AAK1: variants seen among roughly 807,000 people sequenced by gnomAD.
The protein encoded by AAK1 is AP2 associated kinase 1.
In AAK1, 37 loss-of-function variants were observed where a neutral mutation model predicts 116.0. The ratio of observed to expected loss-of-function variants is 0.32; its 90% CI spans 0.25 to 0.42. The LOEUF (loss-of-function observed/expected upper bound fraction) is 0.42, where lower values mean the gene tolerates loss of function less well. Among genes scored for constraint, AAK1 ranks in the 10% least tolerant of loss-of-function variants. The pLI, the probability that AAK1 is intolerant of heterozygous loss-of-function variation, is 1.00. For synonymous variants in AAK1, 458 were observed against 439.9 expected (o/e 1.04, Z -0.51); for missense variants, 919 against 1,170.6 (o/e 0.79, Z 3.14).
At chr2:69,628,199 A>G (rs1054998392) in intron 2 of AAK1, among the ~76,000 whole-genome samples, 7 of 152,094 alleles carry the variant, frequency 4.6e-5, no homozygotes, top group African/African-American at 1.7e-4. Context: ...TAATCCTGGC[A>G]CTTTGGGAGG....
chr2:69,580,529 G>A (rs1672499342), intron 2 of AAK1, among the ~76,000 whole-genome samples: 1 of 152,104 alleles, frequency 6.6e-6, no homozygotes, highest in African/African-American at 2.4e-5. Flanking sequence ...CAAAGCAGAA[G>A]CAGAAAAAAA....
rs1372375580 is a variant in AAK1, at chr2:69,459,905, A to G, written c.*15964T>C. 6.6e-6 allele frequency: 1 copy of G among 152,176 alleles called. No individual in the cohort carries two copies. Among genetic ancestry groups the G allele is most frequent in the Non-Finnish European group, 1.5e-5 (1 of 68,028 alleles). 9.4% of individuals were successfully genotyped at this position (152,176 alleles called of 1,614,324 possible). On this transcript the variant is annotated 3_prime_UTR_variant, in exon 22 of 22. Coordinates refer to ENST00000409085, the MANE Select transcript of AAK1 (RefSeq NM_014911.5). ...GGTGGTTAAAAAACAAAACAAAACT[A>G]CAAGTATCAGCTGAGAAAGACAAAG... is the stretch of plus-strand genomic sequence containing the variant.
intron 8 of AAK1, among the ~76,000 whole-genome samples, chr2:69,528,770 T>C (rs78451269): frequency 0.026 from 4,027 of 152,296 alleles, 121 homozygotes; most frequent in African/African-American, 0.07. Flanking sequence ...GTCCATGGTA[T>C]AGACATTCAT....
intron 4 of AAK1, among the ~76,000 whole-genome samples, chr2:69,543,975 G>C (rs1262358007): frequency 6.6e-6 from 1 of 152,210 alleles, no homozygotes; most frequent in East Asian, 1.9e-4. Context: ...TATAGCCTTA[G>C]AGTAGGGACA....
chr2:69,467,769 C>T lies in AAK1; in HGVS notation c.*8100G>A. 3 of 985,366 alleles carry T rather than the reference C, an allele frequency of 3.0e-6. No homozygotes were observed. Among genetic ancestry groups the T allele is most frequent in the Non-Finnish European group, 3.6e-6 (3 of 829,922 alleles). The allele number at this position is 985,366 out of a possible 1,614,324, so 61.0% of individuals were successfully genotyped here. A position where few individuals can be genotyped will look rare whatever the true frequency, so the allele number is the denominator to read the frequency against. On this transcript the variant is annotated 3_prime_UTR_variant, in exon 22 of 22. Transcript: ENST00000409085. ...CTAAAGTTTCTGCATGAATTAAGCA[C>T]ACAGACCACAGCAGAAGAGGCATTA...
At chr2:69,506,876 G>A (rs1227166136) in intron 15 of AAK1, among the ~76,000 whole-genome samples, 1 of 151,732 alleles carries the variant, frequency 6.6e-6, no homozygotes, top group Non-Finnish European at 1.5e-5. Flanking sequence ...GCCTGTGTGT[G>A]TGTGTGTGTG....
intron 2 of AAK1, among the ~76,000 whole-genome samples, chr2:69,600,184 A>T (rs1673506852): frequency 6.6e-6 from 1 of 152,104 alleles, no homozygotes; most frequent in Admixed American, 6.5e-5. Flanking sequence ...GACTTTGAAG[A>T]CAAAAAAGAA....
At chr2:69,539,333 C>T (rs181380859) in intron 5 of AAK1, among the ~76,000 whole-genome samples, 14 of 152,288 alleles carry the variant, frequency 9.2e-5, no homozygotes, top group Admixed American at 7.8e-4. Flanking sequence ...CTTGTAATTC[C>T]GTCAGTATGA....
At chr2:69,484,875 A>C (rs1260614449) in intron 17 of AAK1, among the ~76,000 whole-genome samples, 4 of 151,764 alleles carry the variant, frequency 2.6e-5, no homozygotes, top group African/African-American at 9.7e-5. Flanking sequence ...TCTCAAAAAA[A>C]AAAATAATAA....
chr2:69,623,848 C>T (rs1674776658), intron 2 of AAK1, among the ~76,000 whole-genome samples: 1 of 151,698 alleles, frequency 6.6e-6, no homozygotes, highest in Non-Finnish European at 1.5e-5. Flanking sequence ...AAAAAGCCCA[C>T]TATTAAGGTA....
chr2:69,476,307 T>C (rs554197000), intron 21 of AAK1, among the ~76,000 whole-genome samples: 2 of 152,276 alleles, frequency 1.3e-5, no homozygotes, highest in South Asian at 4.1e-4. Flanking sequence ...TATCAAGCCA[T>C]CTCCCTTTGA....
chr2:69,606,835 G>A (rs1673817751), intron 2 of AAK1, among the ~76,000 whole-genome samples: 1 of 152,184 alleles, frequency 6.6e-6, no homozygotes, highest in Admixed American at 6.5e-5. Context: ...GGAGACCTAA[G>A]CGGGAGGACT....
intron 18 of AAK1, chr2:69,482,273 A>C: frequency 1.5e-5 from 4 of 275,022 alleles, no homozygotes; most frequent in Non-Finnish European, 2.0e-5. Flanking sequence ...AATTGCTTGA[A>C]CCCGGGAGAT....
intron 2 of AAK1, among the ~76,000 whole-genome samples, chr2:69,606,540 T>G (rs1673804462): frequency 6.6e-6 from 1 of 152,178 alleles, no homozygotes; most frequent in South Asian, 2.1e-4. Flanking sequence ...TTGAAAACAT[T>G]TTAAGACTCA....
chr2:69,520,472 C>T (rs1669723456), intron 11 of AAK1, among the ~76,000 whole-genome samples: 1 of 151,578 alleles, frequency 6.6e-6, no homozygotes, highest in Non-Finnish European at 1.5e-5. Flanking sequence ...GATTCTCCTG[C>T]CTCAGCCTCC....
chr2:69,619,544 G>C (rs1674492858), intron 2 of AAK1, among the ~76,000 whole-genome samples: 1 of 152,148 alleles, frequency 6.6e-6, no homozygotes, highest in Non-Finnish European at 1.5e-5. Context: ...AAACAGAAAA[G>C]CTCATAAAGC....
At chr2:69,529,019 G>A (rs960046946) in intron 8 of AAK1, among the ~76,000 whole-genome samples, 1 of 152,116 alleles carries the variant, frequency 6.6e-6, no homozygotes, top group African/African-American at 2.4e-5. Flanking sequence ...AATGGAAGAG[G>A]CTGATTGACA....
In AAK1 at chr2:69,473,344, C is replaced by T. The variant is rs1050947244; in HGVS notation, c.*2525G>A. 2.0e-6 allele frequency: 2 copies of T among 985,390 alleles called. No homozygotes were observed. The highest frequency in any genetic ancestry group is 4.7e-5 in the South Asian group (1 of 21,288). 61.0% of individuals were successfully genotyped at this position (985,390 alleles called of 1,614,324 possible). A position where few individuals can be genotyped will look rare whatever the true frequency, so the allele number is the denominator to read the frequency against. On this transcript the variant is annotated 3_prime_UTR_variant, in exon 22 of 22. Coordinates refer to ENST00000409085, the MANE Select transcript of AAK1 (RefSeq NM_014911.5). The stretch of plus-strand genomic sequence containing the variant: ...GGCTATGATTCCACAGGTACCAGGA[C>T]ACTATGCTCAACTCAAATAAACTCT...
At chr2:69,628,366 A>C (rs1675005210) in intron 2 of AAK1, among the ~76,000 whole-genome samples, 1 of 152,046 alleles carries the variant, frequency 6.6e-6, no homozygotes, top group Non-Finnish European at 1.5e-5. Flanking sequence ...TCTCCCTCCC[A>C]AATAGTGTCA....
Sources: gnomAD v4.1 joint callset for allele counts (sites outside exome capture counted in the v4.1 genomes callset) on GRCh38, gnomAD v4.1.1 for gene constraint, MANE v1.5 for transcripts, NCBI Gene and HGNC (gene_info 2026-07-23, HGNC 2026-07-21) for gene names.